Variants in RAPGEF4 observed in about 807,000 individuals in gnomAD.
The protein encoded by RAPGEF4 is RAP guanine-nucleotide-exchange factor (GEF) 4.
Under a neutral mutation model 147.9 loss-of-function variants are expected in RAPGEF4, and 66 were observed. The observed-to-expected ratio is 0.45, with a 90% CI of 0.37 to 0.55. RAPGEF4 has a LOEUF of 0.55. Among genes scored for constraint, RAPGEF4 ranks in the 20% least tolerant of loss-of-function variants. The probability of loss-of-function intolerance (pLI) is 0.00; values close to 1 mark genes in which losing one functional copy is unlikely to be tolerated. For missense variants in RAPGEF4, 1,071 were observed against 1,257.3 expected (o/e 0.85, Z 2.24); for synonymous variants, 419 against 442.7 (o/e 0.95, Z 0.67).
intron 17 of RAPGEF4, among the ~76,000 whole-genome samples, chr2:173,009,573 A>T (rs76617969): frequency 0.017 from 2,558 of 151,232 alleles, 75 homozygotes; most frequent in African/African-American, 0.059. Flanking sequence ...GGTATAATGC[A>T]AACATTCCAA....
At chr2:172,944,718 C>T (rs3769252) in intron 6 of RAPGEF4, among the ~76,000 whole-genome samples, 57,078 of 152,016 alleles carry the variant, frequency 0.38, 11,494 homozygotes, top group Middle Eastern at 0.48. Flanking sequence ...TCCCCTTTCT[C>T]GAAGAGATAC....
At chr2:173,023,828 A>C (rs1696355208) in intron 23 of RAPGEF4, among the ~76,000 whole-genome samples, 1 of 152,242 alleles carries the variant, frequency 6.6e-6, no homozygotes. Context: ...GAGAGCAAAC[A>C]GCAGGAATAA....
chr2:172,953,558 C>T (rs1688433708), intron 6 of RAPGEF4, among the ~76,000 whole-genome samples: 1 of 152,050 alleles, frequency 6.6e-6, no homozygotes, highest in African/African-American at 2.4e-5. Context: ...ATCCCCTTCC[C>T]CCACTGACCA....
chr2:172,985,366 A>C, intron 11 of RAPGEF4, 67 bp from the exon 12 acceptor site: 1 of 1,607,336 alleles, frequency 6.2e-7, no homozygotes, highest in Middle Eastern at 1.7e-4. Flanking sequence ...CCCCAGAAAG[A>C]GTACAACCCT....
chr2:172,950,765 C>A (rs992782654), intron 6 of RAPGEF4, among the ~76,000 whole-genome samples: 1 of 152,154 alleles, frequency 6.6e-6, no homozygotes, highest in Non-Finnish European at 1.5e-5. Flanking sequence ...TGTGATTGCA[C>A]AATAATTCCT....
intron 4 of RAPGEF4, among the ~76,000 whole-genome samples, chr2:172,906,599 C>T (rs911448076): frequency 2.0e-5 from 3 of 152,212 alleles, no homozygotes; most frequent in African/African-American, 7.2e-5. Flanking sequence ...GTGCCCAAAG[C>T]TCAGGCAGCA....
At chr2:172,890,888 G>A (rs576273874) in intron 4 of RAPGEF4, among the ~76,000 whole-genome samples, 1 of 152,330 alleles carries the variant, frequency 6.6e-6, no homozygotes, top group Admixed American at 6.5e-5. Flanking sequence ...CTAGCACTTT[G>A]GGAGGCCTAG....
intron 4 of RAPGEF4, among the ~76,000 whole-genome samples, chr2:172,905,237 G>A (rs1367778691): frequency 6.6e-6 from 1 of 152,010 alleles, no homozygotes; most frequent in Admixed American, 6.6e-5. Context: ...CCGGCATCTA[G>A]CGTCATTGTG....
At chr2:172,808,829 T>C (rs72908118) in intron 3 of RAPGEF4, among the ~76,000 whole-genome samples, 1 of 152,230 alleles carries the variant, frequency 6.6e-6, no homozygotes, top group Non-Finnish European at 1.5e-5. Flanking sequence ...TTTTCCACTC[T>C]GCTGCTTCCA....
intron 29 of RAPGEF4, among the ~76,000 whole-genome samples, chr2:173,040,636 A>G (rs372690248): frequency 2.0e-5 from 3 of 152,196 alleles, no homozygotes; most frequent in Non-Finnish European, 2.9e-5. Flanking sequence ...TATTTTGTAC[A>G]TCTTCATTCA....
intron 4 of RAPGEF4, among the ~76,000 whole-genome samples, chr2:172,815,520 A>G (rs944008928): frequency 2.6e-5 from 4 of 152,238 alleles, no homozygotes; most frequent in Non-Finnish European, 5.9e-5. Flanking sequence ...TTTAGGAAGG[A>G]AAATTGAAAG....
rs1693382335 is a variant in RAPGEF4 at position 172,996,563 on chromosome 2, A to G, written c.1579+9A>G. 2.0e-6 allele frequency: 3 copies of G among 1,529,790 alleles called. No individual in the cohort carries two copies. The East Asian group carries it at 7.1e-5, about 36-fold the overall frequency. The allele number at this position is 1,529,790 out of a possible 1,614,324, so 94.8% of individuals were successfully genotyped here. ...TTTAAATGAAGCAACAGGTATACACATAGAACCGTTTGCATGTCCATTAAA... is the reference window on the plus strand; with the variant it reads ...TTTAAATGAAGCAACAGGTATACACGTAGAACCGTTTGCATGTCCATTAAA... On this transcript the variant is annotated intron_variant, in intron 16 of 30. Transcript: ENST00000397081.
At chr2:172,946,981 C>A (rs927965446) in intron 6 of RAPGEF4, among the ~76,000 whole-genome samples, 1 of 152,168 alleles carries the variant, frequency 6.6e-6, no homozygotes, top group Non-Finnish European at 1.5e-5. Flanking sequence ...CAACATGTAT[C>A]ATTAAATGTG....
chr2:172,903,415 G>C (rs1003665761), intron 4 of RAPGEF4, among the ~76,000 whole-genome samples: 9 of 149,370 alleles, frequency 6.0e-5, no homozygotes, highest in African/African-American at 2.0e-4. Flanking sequence ...GCAGTCACCT[G>C]TAATCCCAGC....
chr2:172,910,266 C>T (rs1446718329), intron 4 of RAPGEF4, among the ~76,000 whole-genome samples: 1 of 152,296 alleles, frequency 6.6e-6, no homozygotes, highest in African/African-American at 2.4e-5. Flanking sequence ...CTCCAATAAC[C>T]TCTAGACAGT....
At chr2:173,023,091 A>T (rs1696266519) in intron 23 of RAPGEF4, among the ~76,000 whole-genome samples, 1 of 152,210 alleles carries the variant, frequency 6.6e-6, no homozygotes, top group Admixed American at 6.5e-5. Context: ...GTGAGAATGC[A>T]GTGCAGCAAG....
chr2:172,939,413 T>C lies in RAPGEF4; in HGVS notation c.537+17113T>C, dbSNP rs947262101. On this transcript the variant is annotated intron_variant, in intron 6 of 30. Transcript: ENST00000397081. ...TCCATTTCCCTAATGACAGATGATA[T>C]TGAGTATCTTTTCATATGCTGTTTG... Among the ~76,000 whole-genome samples the C allele has an allele frequency of 4.6e-5, 7 of 152,192 alleles. No individual in the cohort carries two copies. In the East Asian group the frequency reaches 1.2e-3, roughly 25 times the overall value.
intron 4 of RAPGEF4, among the ~76,000 whole-genome samples, chr2:172,840,485 A>G (rs528897450): frequency 1.3e-5 from 2 of 152,302 alleles, no homozygotes; most frequent in African/African-American, 2.4e-5. Context: ...CCTCTGTGCC[A>G]TTCTCTTAGT....
chr2:172,792,398 T>C (rs1685910758), intron 1 of RAPGEF4, among the ~76,000 whole-genome samples: 1 of 152,224 alleles, frequency 6.6e-6, no homozygotes, highest in African/African-American at 2.4e-5. Flanking sequence ...GCACTGATAC[T>C]GATGTGTTGT....
Sources: gnomAD v4.1 joint callset for allele counts (sites outside exome capture counted in the v4.1 genomes callset) on GRCh38, gnomAD v4.1.1 for gene constraint, MANE v1.5 for transcripts, NCBI Gene and HGNC (gene_info 2026-07-23, HGNC 2026-07-21) for gene names.